Variants in CREB1 observed in about 807,000 individuals in gnomAD.
The protein encoded by CREB1 is cyclic AMP-responsive element-binding protein 1.
A neutral mutation model predicts 42.0 loss-of-function variants in CREB1; 2 were observed. That is an observed-to-expected ratio of 0.05 (90% CI 0.02 to 0.15). The LOEUF (loss-of-function observed/expected upper bound fraction) is 0.15. Among genes scored for constraint, CREB1 ranks in the 10% least tolerant of loss-of-function variants. CREB1 has a pLI of 1.00. For synonymous variants in CREB1, 123 were observed against 139.9 expected, an observed-to-expected ratio of 0.88 and a Z score of 0.85; for missense variants, 199 against 388.9, an observed-to-expected ratio of 0.51 and a Z score of 4.11.
At chr2:207,562,564 G>A (rs2081994167) in intron 3 of CREB1, among the ~76,000 whole-genome samples, 3 of 152,054 alleles carry the variant, frequency 2.0e-5, no homozygotes, top group South Asian at 2.1e-4. Context: ...TAATTTAAGA[G>A]TGTGTATTTA....
chr2:207,576,241 C>CTTTTTTTTTTTTTTTTTGGTT (rs2082588982), intron 6 of CREB1, among the ~76,000 whole-genome samples: 1 of 101,068 alleles, frequency 9.9e-6, no homozygotes, highest in Admixed American at 1.1e-4. Context: ...CTTTTTTTGG[C>CTTTTTTTTTTTTTTTTTGGTT]TTTTTTTTTT....
intron 1 of CREB1, among the ~76,000 whole-genome samples, chr2:207,553,851 T>C (rs1281123845): frequency 6.6e-6 from 1 of 152,192 alleles, no homozygotes; most frequent in East Asian, 1.9e-4. Context: ...AGCTACTGCT[T>C]ATAGTTTAGT....
At position 207,529,977 on chromosome 2, in the gene CREB1, C is replaced by T. The variant is rs1027258139; in HGVS notation, c.-166C>T. 9.6e-5 allele frequency: 15 copies of T among 156,026 alleles called. No homozygotes were observed. The highest frequency in any genetic ancestry group is 1.9e-4 in the South Asian group (1 of 5,232). The allele number at this position is 156,026 out of a possible 1,614,324, so 9.7% of individuals were successfully genotyped here. On this transcript the variant is annotated 5_prime_UTR_variant, in exon 1 of 8. Transcript: ENST00000353267. ...GCGGCTCCTCAGTCGGCGGCGGCTG[C>T]TGCTGCCTGTGGCCCGGGCGGCTGG...
chr2:207,567,609 G>A (rs894242461), intron 4 of CREB1, 46 bp downstream of exon 4: 4 of 1,362,498 alleles, frequency 2.9e-6, no homozygotes, highest in Non-Finnish European at 4.2e-6. Flanking sequence ...GGAAGTCTTA[G>A]GTAGTTGCAG....
Position 207,598,361 on chromosome 2 carries a change from C to G in CREB1, c.*1303C>G, listed in dbSNP as rs1218562470. 5.5e-6 allele frequency: 1 copy of G among 182,488 alleles called. No individual in the cohort carries two copies. The highest frequency in any genetic ancestry group is 6.3e-5 in the Admixed American group (1 of 15,968). The allele number at this position is 182,488 out of a possible 1,614,324, so 11.3% of individuals were successfully genotyped here. ...TTCCAATATGCTGTATAGCCTTTGTCATTTTATAATTTTAATTCCTGATTA... is the reference window on the plus strand; with the variant it reads ...TTCCAATATGCTGTATAGCCTTTGTGATTTTATAATTTTAATTCCTGATTA... On this transcript the variant is annotated 3_prime_UTR_variant, in exon 8 of 8. Coordinates refer to ENST00000353267, the MANE Select transcript of CREB1 (RefSeq NM_004379.5).
intron 1 of CREB1, among the ~76,000 whole-genome samples, chr2:207,548,770 C>G (rs558528405): frequency 9.5e-4 from 145 of 152,096 alleles, no homozygotes; most frequent in Non-Finnish European, 1.8e-3. Context: ...CCCCGCTCCC[C>G]CCCAAAAAGA....
chr2:207,584,372 A>G (rs2083440851), intron 7 of CREB1, among the ~76,000 whole-genome samples: 1 of 151,566 alleles, frequency 6.6e-6, no homozygotes, highest in South Asian at 2.1e-4. Flanking sequence ...TATAATGGAT[A>G]TCTTATGGTT....
chr2:207,534,298 G>T (rs890865587), intron 1 of CREB1, among the ~76,000 whole-genome samples: 2 of 152,128 alleles, frequency 1.3e-5, no homozygotes, highest in African/African-American at 4.8e-5. Context: ...GTGCAGTGAT[G>T]CAGTCTCAGC....
At chr2:207,594,287 G>A (rs1299259137) in intron 7 of CREB1, among the ~76,000 whole-genome samples, 2 of 152,088 alleles carry the variant, frequency 1.3e-5, no homozygotes, top group Non-Finnish European at 2.9e-5. Flanking sequence ...GTTCAGTCAT[G>A]TTAAGTACAT....
chr2:207,549,383 T>C (rs763290556), intron 1 of CREB1, among the ~76,000 whole-genome samples: 11 of 151,490 alleles, frequency 7.3e-5, no homozygotes, highest in Non-Finnish European at 1.0e-4. Context: ...GTTGGACATA[T>C]GGTAAAGATA....
In CREB1 at chr2:207,598,354, C is replaced by A. The variant is rs1487950272; in HGVS notation, c.*1296C>A. 1.6e-5 allele frequency: 3 copies of A among 183,512 alleles called. No homozygotes were observed. Among genetic ancestry groups the A allele is most frequent in the Admixed American group, 1.2e-4 (2 of 16,020 alleles). The allele number at this position is 183,512 out of a possible 1,614,324, so 11.4% of individuals were successfully genotyped here. A position where few individuals can be genotyped will look rare whatever the true frequency, so the allele number is the denominator to read the frequency against. ...TTTAGCTTTCCAATATGCTGTATAG[C>A]CTTTGTCATTTTATAATTTTAATTC... On this transcript the variant is annotated 3_prime_UTR_variant, in exon 8 of 8. Coordinates refer to ENST00000353267, the MANE Select transcript of CREB1 (RefSeq NM_004379.5).
chr2:207,585,013 G>T (rs920287591), intron 7 of CREB1, among the ~76,000 whole-genome samples: 1 of 151,720 alleles, frequency 6.6e-6, no homozygotes, highest in Non-Finnish European at 1.5e-5. Context: ...ACTTACACAC[G>T]TCTAGGAGCC....
At chr2:207,552,858 C>T (rs1218290352) in intron 1 of CREB1, among the ~76,000 whole-genome samples, 1 of 152,102 alleles carries the variant, frequency 6.6e-6, no homozygotes, top group African/African-American at 2.4e-5. Context: ...TCAGGTGATC[C>T]ACCCGCCTCG....
chr2:207,535,856 C>CTT (rs1402050693), intron 1 of CREB1, among the ~76,000 whole-genome samples: 1 of 150,904 alleles, frequency 6.6e-6, no homozygotes, highest in African/African-American at 2.4e-5. Context: ...AGGTTTGGCT[C>CTT]TATCACCCAG....
At chr2:207,530,610 C>T (rs1376906121) in intron 1 of CREB1, among the ~76,000 whole-genome samples, 1 of 148,584 alleles carries the variant, frequency 6.7e-6, no homozygotes, top group Non-Finnish European at 1.5e-5. Context: ...TCGCCCCCGG[C>T]CCGACCCGGC....
In CREB1 at chr2:207,577,573, G is replaced by C; in HGVS notation, c.757G>C (p.Val253Leu). 6.2e-7 allele frequency: 1 copy of C among 1,614,008 alleles called. No individual in the cohort carries two copies. The highest frequency in any genetic ancestry group is 8.5e-7 in the Non-Finnish European group (1 of 1,179,962). ...CACTAGCACTATTGCCCCTGGAGTT[G>C]TTATGGCATCCTCCCCAGCACTTCC... Reference protein sequence around the residue: ...APTSTIAPGVVMASSPALPTQ... With the variant: ...APTSTIAPGVLMASSPALPTQ... Residue 253 changes from valine to leucine, a missense_variant, in exon 7 of 8, where the codon GTT becomes CTT. By Grantham distance (32) the Val-to-Leu change is conservative. Around this residue, in one of 4 missense-constraint regions of CREB1, gnomAD observed 14 missense variants for 93.0 expected, o/e 0.15. Transcript: ENST00000353267.
chr2:207,546,237 C>G (rs890765682), intron 1 of CREB1, among the ~76,000 whole-genome samples: 5 of 152,176 alleles, frequency 3.3e-5, no homozygotes, highest in African/African-American at 9.7e-5. Context: ...AACAGTACAT[C>G]TACACAGAAG....
chr2:207,593,040 T>A (rs765835736), intron 7 of CREB1, among the ~76,000 whole-genome samples: 21 of 152,246 alleles, frequency 1.4e-4, no homozygotes, highest in Non-Finnish European at 2.8e-4. Context: ...TTTTTGTTGT[T>A]CTGTCTTCAA....
chr2:207,563,263 A>G (rs73056912), intron 3 of CREB1, among the ~76,000 whole-genome samples: 1,808 of 152,306 alleles, frequency 0.012, 33 homozygotes, highest in African/African-American at 0.041. Context: ...TGGAGATGCA[A>G]TTTACAACGT....
Sources: allele counts gnomAD v4.1 joint callset (sites outside exome capture counted in the v4.1 genomes callset), GRCh38; gene constraint gnomAD v4.1.1; regional missense constraint gnomAD v4.1.1; transcripts MANE v1.5; gene names NCBI Gene and HGNC (gene_info 2026-07-23, HGNC 2026-07-21).